The following GAS7 variants were observed in gnomAD, a reference collection of about 807,000 sequenced individuals.
GAS7 encodes growth arrest-specific protein 7.
A neutral mutation model predicts 71.1 loss-of-function variants in GAS7; 28 were observed. That is an observed-to-expected ratio of 0.39 (90% CI 0.29 to 0.54). The LOEUF (loss-of-function observed/expected upper bound fraction) is 0.54, where lower values mean the gene tolerates loss of function less well. Among genes scored for constraint, GAS7 ranks in the 20% least tolerant of loss-of-function variants. GAS7 has a pLI of 0.62. For missense variants in GAS7, 436 were observed against 627.8 expected (o/e 0.69, Z 3.27); for synonymous variants, 258 against 245.8 (o/e 1.05, Z -0.46).
chr17:10,150,998 G>C (rs1567611566), intron 1 of GAS7, among the ~76,000 whole-genome samples: 1 of 152,172 alleles, frequency 6.6e-6, no homozygotes, highest in Non-Finnish European at 1.5e-5. Context: ...GGGGACAATA[G>C]TAGAACCTAA....
At chr17:10,067,308 G>C (rs1358461880) in intron 1 of GAS7, among the ~76,000 whole-genome samples, 1 of 152,046 alleles carries the variant, frequency 6.6e-6, no homozygotes, top group Admixed American at 6.6e-5. Flanking sequence ...GTAGTGGCGC[G>C]ATCTCGGCTC....
At chr17:9,942,169 G>A (rs570204067) in intron 7 of GAS7, among the ~76,000 whole-genome samples, 300 of 151,890 alleles carry the variant, frequency 2.0e-3, no homozygotes, top group African/African-American at 7.1e-3. Context: ...CAGGAGAATC[G>A]CTTGAACCCC....
Position 9,917,184 on chromosome 17 carries a change from AG to A in GAS7, c.*43del. 2.3e-6 allele frequency: 2 copies of A among 868,408 alleles called. No individual in the cohort carries two copies. The highest frequency in any genetic ancestry group is 4.0e-6 in the Non-Finnish European group (2 of 501,168). 53.8% of individuals were successfully genotyped at this position (868,408 alleles called of 1,614,324 possible). On this transcript the variant is annotated 3_prime_UTR_variant, in exon 14 of 14. Coordinates refer to ENST00000432992, the MANE Select transcript of GAS7 (RefSeq NM_201433.2). ...GGCATGGGCCCCATGGTGGGAGCCC[AG>A]CCCCCCTCCCCAGCAGGACCCCCCG...
chr17:10,150,731 G>C (rs1185406493), intron 1 of GAS7, among the ~76,000 whole-genome samples: 1 of 151,824 alleles, frequency 6.6e-6, no homozygotes, highest in Non-Finnish European at 1.5e-5. Flanking sequence ...TGGGATTACA[G>C]GCATGCATCA....
chr17:9,952,014 G>A (rs549387408), intron 5 of GAS7, among the ~76,000 whole-genome samples: 1 of 152,060 alleles, frequency 6.6e-6, no homozygotes, highest in Admixed American at 6.6e-5. Context: ...CATCCTGGCT[G>A]GCTCCAAGCC....
chr17:10,180,417 C>A (rs543960273), intron 1 of GAS7, among the ~76,000 whole-genome samples: 16 of 151,420 alleles, frequency 1.1e-4, no homozygotes, highest in South Asian at 2.1e-4. Flanking sequence ...AGCATGCAAA[C>A]CCAGGTCTGA....
In GAS7 at chr17:9,917,974, G is replaced by T. The variant is rs183312776; in HGVS notation, c.1317+27C>A. The T allele has an allele frequency of 2.6e-6, 4 of 1,553,094 alleles. No homozygotes were observed. The East Asian group carries it at 6.7e-5, about 26-fold the overall frequency. On this transcript the variant is annotated intron_variant, in intron 13 of 13. Transcript: ENST00000432992. ...GCTCTCCCCAGGCCCCGTGTCGCCC[G>T]GGAGCCCCGCTGGGCTGGAAACTCA...
At chr17:9,955,273 C>T (rs73273007) in intron 5 of GAS7, among the ~76,000 whole-genome samples, 41 of 152,294 alleles carry the variant, frequency 2.7e-4, no homozygotes, top group Admixed American at 1.1e-3. Context: ...GTCCTCCCCC[C>T]GGTTACATTT....
intron 11 of GAS7, among the ~76,000 whole-genome samples, chr17:9,921,944 G>A (rs1252741781): frequency 5.3e-5 from 7 of 131,902 alleles, no homozygotes; most frequent in African/African-American, 2.2e-4. Flanking sequence ...GGGCGACAGA[G>A]CAAGACTCCA....
At chr17:10,000,170 G>C (rs1408801644) in intron 2 of GAS7, among the ~76,000 whole-genome samples, 1 of 152,194 alleles carries the variant, frequency 6.6e-6, no homozygotes, top group Non-Finnish European at 1.5e-5. Flanking sequence ...GTCCTCTGGA[G>C]GCAGCATTAA....
chr17:9,945,300 G>A (rs2068750185), intron 6 of GAS7, among the ~76,000 whole-genome samples: 1 of 150,180 alleles, frequency 6.7e-6, no homozygotes, highest in South Asian at 2.1e-4. Flanking sequence ...CCTGCACAAT[G>A]CCTATGAATC....
At chr17:10,066,800 G>A (rs576084257) in intron 1 of GAS7, among the ~76,000 whole-genome samples, 7 of 152,160 alleles carry the variant, frequency 4.6e-5, no homozygotes, top group African/African-American at 9.6e-5. Context: ...CTGAATTTTG[G>A]AGTCAGGGGG....
chr17:10,189,462 A>C (rs553268484), intron 1 of GAS7, among the ~76,000 whole-genome samples: 2 of 152,284 alleles, frequency 1.3e-5, no homozygotes, highest in South Asian at 4.1e-4. Flanking sequence ...CTGCATTTAG[A>C]AAATGACCCA....
At chr17:9,947,078 C>T (rs546630414) in intron 5 of GAS7, 95 bp from the exon 6 acceptor site, 24 of 763,146 alleles carry the variant, frequency 3.1e-5, no homozygotes, top group Non-Finnish European at 5.4e-5. Flanking sequence ...GGAGCAGCCT[C>T]CCTATTGACA....
intron 1 of GAS7, chr17:10,027,019 C>G (rs1395653916): frequency 6.6e-6 from 1 of 152,166 alleles, no homozygotes; most frequent in Non-Finnish European, 1.5e-5. Flanking sequence ...GCAGTCTTCA[C>G]CCAGTAGTTA....
In GAS7 at chr17:9,976,763, T is replaced by A. The variant is rs1266480657; in HGVS notation, c.385+5041A>T. 2.0e-5 allele frequency among the ~76,000 whole-genome samples: 3 copies of A among 152,194 alleles called. No individual in the cohort carries two copies. In the East Asian group the frequency reaches 5.8e-4, roughly 29 times the overall value. ...CCTGAACCCATGTTTCCTGAAACACTCCCACAACCGCCCACCAGGACAACC... is the reference window on the plus strand; with the variant it reads ...CCTGAACCCATGTTTCCTGAAACACACCCACAACCGCCCACCAGGACAACC... On this transcript the variant is annotated intron_variant, in intron 3 of 13. Coordinates refer to ENST00000432992, the MANE Select transcript of GAS7 (RefSeq NM_201433.2).
chr17:9,940,149 G>A lies in GAS7; in HGVS notation c.783C>T (p.Asn261=), dbSNP rs1189910269. Reference sequence around the variant, plus strand: ...ACCCTTCCTCCTGTGAAGCCAAGGAGTTCTGAGAGAGCTTAGCTAAGTTCT... The same window carrying A: ...ACCCTTCCTCCTGTGAAGCCAAGGAATTCTGAGAGAGCTTAGCTAAGTTCT... The part of the protein sequence containing the change: ...YAKNLAKLSQ[N]SLASQEEGSL... Residue 261 remains asparagine, a synonymous_variant, in exon 8 of 14, where the codon AAC becomes AAT. Transcript: ENST00000432992. The A allele has an allele frequency of 6.2e-7, 1 of 1,608,182 alleles. No homozygotes were observed. The highest frequency in any genetic ancestry group is 1.1e-5 in the South Asian group (1 of 90,972).
chr17:10,140,721 C>T (rs2074073338), intron 1 of GAS7, among the ~76,000 whole-genome samples: 1 of 152,162 alleles, frequency 6.6e-6, no homozygotes. Flanking sequence ...TGTAAGTCCA[C>T]AGAATAGGTG....
At position 9,969,220 on chromosome 17, in the gene GAS7, T is replaced by C. The variant is rs1053099412; in HGVS notation, c.471+457A>G. 4.6e-5 allele frequency among the ~76,000 whole-genome samples: 7 copies of C among 152,236 alleles called. No homozygotes were observed. The highest frequency in any genetic ancestry group is 1.7e-4 in the African/African-American group (7 of 41,466). On this transcript the variant is annotated intron_variant, in intron 4 of 13. Transcript: ENST00000432992. The surrounding 1 kb of genome is among the most constrained non-coding windows in gnomAD (Gnocchi z 5.5). Reference sequence around the variant, plus strand: ...TTGGAAATCGTACAACATACTCCCATTTCCTTCCATCTCATAGCTCTCTCT... The same window carrying C: ...TTGGAAATCGTACAACATACTCCCACTTCCTTCCATCTCATAGCTCTCTCT...
Sources: allele counts gnomAD v4.1 joint callset (sites outside exome capture counted in the v4.1 genomes callset), GRCh38; gene constraint gnomAD v4.1.1; non-coding constraint Gnocchi (gnomAD v3.1); transcripts MANE v1.5; gene names NCBI Gene and HGNC (gene_info 2026-07-23, HGNC 2026-07-21).